GRM1: variants seen among roughly 807,000 people sequenced by gnomAD.
The protein encoded by GRM1 is glutamate metabotropic receptor 1, also known as metabotropic glutamate receptor 1.
A neutral mutation model predicts 90.9 loss-of-function variants in GRM1; 33 were observed. The ratio of observed to expected loss-of-function variants is 0.36; its 90% confidence interval spans 0.28 to 0.49. The LOEUF (loss-of-function observed/expected upper bound fraction) is 0.49. Among genes scored for constraint, GRM1 ranks in the 20% least tolerant of loss-of-function variants. The pLI, the probability that GRM1 is intolerant of heterozygous loss-of-function variation, is 0.99. For missense variants in GRM1, 1,190 were observed against 1,534.3 expected (o/e 0.78, Z 3.75); for synonymous variants, 700 against 613.2 (o/e 1.14, Z -2.09).
At chr6:146,165,093 T>G (rs2128892846) in intron 2 of GRM1, among the ~76,000 whole-genome samples, 1 of 152,234 alleles carries the variant, frequency 6.6e-6, no homozygotes, top group East Asian at 1.9e-4. Context: ...TAGCTAAAAC[T>G]TGATCCAAGA....
chr6:146,114,076 G>A (rs972566236), intron 1 of GRM1, among the ~76,000 whole-genome samples: 4 of 152,120 alleles, frequency 2.6e-5, no homozygotes, highest in African/African-American at 9.7e-5. Context: ...AAATTGAAAA[G>A]GGAGAGGTAG....
chr6:146,082,744 A>G (rs1356013134), intron 1 of GRM1, among the ~76,000 whole-genome samples: 1 of 152,092 alleles, frequency 6.6e-6, no homozygotes. Context: ...ATCCATAATA[A>G]AAAGTAGTTT....
intron 2 of GRM1, among the ~76,000 whole-genome samples, chr6:146,238,948 C>T (rs557184921): frequency 1.3e-5 from 2 of 152,206 alleles, no homozygotes; most frequent in East Asian, 3.9e-4. Flanking sequence ...GTTCAGTTCA[C>T]GTGAGTATAG....
intron 2 of GRM1, among the ~76,000 whole-genome samples, chr6:146,194,271 A>T (rs1779039348): frequency 6.6e-6 from 1 of 152,018 alleles, no homozygotes; most frequent in African/African-American, 2.4e-5. Flanking sequence ...TTCATTATCC[A>T]CTAATGACAT....
chr6:146,343,526 A>T (rs1785055637), intron 3 of GRM1, among the ~76,000 whole-genome samples: 1 of 151,942 alleles, frequency 6.6e-6, no homozygotes, highest in African/African-American at 2.4e-5. Flanking sequence ...TATACCCTGG[A>T]TTATAATCCA....
chr6:146,056,379 A>T (rs1283004705), intron 1 of GRM1, among the ~76,000 whole-genome samples: 1 of 152,088 alleles, frequency 6.6e-6, no homozygotes, highest in African/African-American at 2.4e-5. Context: ...AAAAATAGAA[A>T]TCAGAAATTG....
chr6:146,095,288 C>T (rs542545002), intron 1 of GRM1, among the ~76,000 whole-genome samples: 6 of 152,078 alleles, frequency 3.9e-5, no homozygotes, highest in Non-Finnish European at 8.8e-5. Flanking sequence ...CTATTTAGTC[C>T]CTTATGGTCA....
chr6:146,202,986 G>A (rs748644635), intron 2 of GRM1, among the ~76,000 whole-genome samples: 1 of 151,944 alleles, frequency 6.6e-6, no homozygotes. Context: ...ACGAGGTCAG[G>A]AGAGAGAGAC....
intron 1 of GRM1, among the ~76,000 whole-genome samples, chr6:146,145,882 C>T (rs1007974369): frequency 6.6e-6 from 1 of 152,008 alleles, no homozygotes; most frequent in Non-Finnish European, 1.5e-5. Context: ...CCCAGTCAAA[C>T]CATAGGGGCA....
intron 2 of GRM1, among the ~76,000 whole-genome samples, chr6:146,189,151 G>A (rs1778846186): frequency 6.6e-6 from 1 of 152,128 alleles, no homozygotes; most frequent in South Asian, 2.1e-4. Flanking sequence ...CTTAATTGTT[G>A]ATTTTTTCCC....
At chr6:146,409,254 A>G (rs936052283) in intron 7 of GRM1, among the ~76,000 whole-genome samples, 12 of 152,182 alleles carry the variant, frequency 7.9e-5, no homozygotes, top group Non-Finnish European at 7.3e-5. Context: ...TCTAAGGATA[A>G]CCATGCCAAT....
At chr6:146,390,533 A>G (rs1294814312) in intron 6 of GRM1, among the ~76,000 whole-genome samples, 1 of 152,040 alleles carries the variant, frequency 6.6e-6, no homozygotes, top group Non-Finnish European at 1.5e-5. Flanking sequence ...TTATTTGTAG[A>G]AGTAAAATAA....
chr6:146,268,422 C>T (rs149611041), intron 2 of GRM1, among the ~76,000 whole-genome samples: 1 of 152,272 alleles, frequency 6.6e-6, no homozygotes, highest in African/African-American at 2.4e-5. Context: ...ATTGCTCTAT[C>T]TATACTGACT....
rs181442101 is a variant in GRM1, at chr6:146,239,223, G to A, written c.951-65388G>A. Among the ~76,000 whole-genome samples, 851 of 152,202 alleles carry A rather than the reference G, an allele frequency of 5.6e-3. 4 individuals are homozygous for A. Among genetic ancestry groups the A allele is most frequent in the Non-Finnish European group, 8.6e-3 (583 of 67,996 alleles). On this transcript the variant is annotated intron_variant, in intron 2 of 7. Coordinates refer to ENST00000282753, the MANE Select transcript of GRM1 (RefSeq NM_001278064.2). ...AGCAACCTGAATTCACAGCTCAGAT[G>A]GGCTGAATTGTTTATATCCGTATGT...
chr6:146,354,019 G>A (rs942733180), intron 4 of GRM1, among the ~76,000 whole-genome samples: 1 of 152,200 alleles, frequency 6.6e-6, no homozygotes, highest in African/African-American at 2.4e-5. Flanking sequence ...GTGTCAGCTT[G>A]AAGTCCTGCA....
intron 6 of GRM1, among the ~76,000 whole-genome samples, chr6:146,393,002 A>C (rs878884405): frequency 6.6e-6 from 1 of 152,098 alleles, no homozygotes; most frequent in African/African-American, 2.4e-5. Flanking sequence ...ATACCTGTGC[A>C]TGTGTCTTTA....
At chr6:146,425,261 T>A (rs1162780564) in intron 7 of GRM1, among the ~76,000 whole-genome samples, 1 of 152,224 alleles carries the variant, frequency 6.6e-6, no homozygotes, top group African/African-American at 2.4e-5. Flanking sequence ...TTCAAATCCC[T>A]TGCTTTCAGG....
At chr6:146,153,099 A>C (rs558583814) in intron 1 of GRM1, among the ~76,000 whole-genome samples, 2 of 152,292 alleles carry the variant, frequency 1.3e-5, no homozygotes, top group Non-Finnish European at 2.9e-5. Flanking sequence ...GCCAAAGAGC[A>C]CATGTCCCCT....
chr6:146,309,136 TGC>T, intron 3 of GRM1, among the ~76,000 whole-genome samples: 1 of 152,284 alleles, frequency 6.6e-6, no homozygotes, highest in African/African-American at 2.4e-5. Context: ...TGGTGGCTCA[TGC>T]CTGTAATCTC....
Sources: allele counts gnomAD v4.1 joint callset (sites outside exome capture counted in the v4.1 genomes callset), GRCh38; gene constraint gnomAD v4.1.1; transcripts MANE v1.5; gene names NCBI Gene and HGNC (gene_info 2026-07-23, HGNC 2026-07-21).